SPRY3: variants seen among roughly 807,000 people sequenced by gnomAD.
The protein encoded by SPRY3 is sprouty RTK signaling antagonist 3.
A neutral mutation model predicts 20.2 loss-of-function variants in SPRY3; 15 were observed. The ratio of observed to expected loss-of-function variants is 0.74; its 90% CI spans 0.50 to 1.14. SPRY3 has a LOEUF of 1.14. Ranked by LOEUF, SPRY3 falls within the 50% of genes most tolerant of loss-of-function variation. SPRY3 has a pLI of 0.00. For missense variants in SPRY3, 364 were observed against 363.9 expected, an observed-to-expected ratio of 1.00 and a Z score of 0.00; for synonymous variants, 143 against 136.5, an observed-to-expected ratio of 1.05 and a Z score of -0.33.
chrX:155,657,460 C>T (rs1428876703), intron 2 of SPRY3, among the ~76,000 whole-genome samples: 3 of 112,052 alleles, frequency 2.7e-5, no homozygotes, highest in African/African-American at 9.7e-5. Context: ...AGATGCCCCC[C>T]GCTACCAAGC....
chrX:155,648,651 G>A (rs984712192), intron 1 of SPRY3, among the ~76,000 whole-genome samples: 1 of 111,456 alleles, frequency 9.0e-6, no homozygotes, highest in Admixed American at 9.5e-5. Flanking sequence ...CTGCTCCATT[G>A]GTCTATATAT....
chrX:155,766,736 G>C (rs767146780), intron 2 of SPRY3, among the ~76,000 whole-genome samples: 1 of 152,156 alleles, frequency 6.6e-6, no homozygotes, highest in African/African-American at 2.4e-5. Flanking sequence ...AATGTCCAAG[G>C]CTGCTTTATT....
At chrX:155,680,216 G>GAT (rs1569562591) in intron 2 of SPRY3, among the ~76,000 whole-genome samples, 2 of 93,130 alleles carry the variant, frequency 2.1e-5, no homozygotes, top group African/African-American at 8.9e-5. Context: ...GAGAGAGAGA[G>GAT]AGAAGAGAAG....
At chrX:155,766,375 A>T (rs776623659) in intron 2 of SPRY3, among the ~76,000 whole-genome samples, 1 of 152,196 alleles carries the variant, frequency 6.6e-6, no homozygotes, top group Non-Finnish European at 1.5e-5. Flanking sequence ...TAATGTAAAA[A>T]TTGACACTCT....
intron 2 of SPRY3, among the ~76,000 whole-genome samples, chrX:155,715,243 T>C (rs28860007): frequency 1.1e-3 from 164 of 152,236 alleles, no homozygotes; most frequent in African/African-American, 3.9e-3. Flanking sequence ...ACTTCCTGGG[T>C]ATCACTGGTG....
At chrX:155,774,019 A>G (rs746578781) in exon 4 of SPRY3, 48 of 1,613,806 alleles carry the variant, frequency 3.0e-5, no homozygotes, top group Non-Finnish European at 8.5e-7. Context: ...GCAAACCCAC[A>G]AGTCTGATTG....
chrX:155,692,178 AC>A (rs2068104388), intron 2 of SPRY3, among the ~76,000 whole-genome samples: 2 of 109,471 alleles, frequency 1.8e-5, no homozygotes, highest in African/African-American at 6.9e-5. Flanking sequence ...GTAAATGGGT[AC>A]AGCTTTATAT....
At chrX:155,722,834 G>GC (rs60979547) in intron 2 of SPRY3, among the ~76,000 whole-genome samples, 152,008 of 152,010 alleles carry the variant, frequency 1, 76,003 homozygotes, top group Middle Eastern at 1. Flanking sequence ...TGCACAACGT[G>GC]AGGTTTGTTA....
intron 1 of SPRY3, among the ~76,000 whole-genome samples, chrX:155,652,605 ATT>A (rs2067980710): frequency 8.9e-6 from 1 of 112,066 alleles, no homozygotes; most frequent in South Asian, 3.7e-4. Context: ...TATATACCAC[ATT>A]TCATTTATAC....
chrX:155,662,795 T>C (rs2068014527), intron 2 of SPRY3, among the ~76,000 whole-genome samples: 1 of 110,028 alleles, frequency 9.1e-6, no homozygotes, highest in South Asian at 3.9e-4. Flanking sequence ...TTCAAATGCC[T>C]GTAAGGGAGA....
chrX:155,664,758 G>A (rs1168020281), intron 2 of SPRY3, among the ~76,000 whole-genome samples: 3 of 109,267 alleles, frequency 2.7e-5, no homozygotes, highest in African/African-American at 9.9e-5. Flanking sequence ...AATAAGAAGA[G>A]TAGAATACAT....
Position 155,690,916 on chromosome X carries a change from AT to A in SPRY3, c.-282+33898del, listed in dbSNP as rs1355701458. On this transcript the variant is annotated intron_variant, in intron 2 of 3. Transcript: ENST00000675360. ...ACCTTTATCAATATATGTGTGATGA[AT>A]TTTTTTCATTCTAGCTTGCTTTTTC... Among the ~76,000 whole-genome samples the A allele has an allele frequency of 3.4e-5, 3 of 87,146 alleles. 1 individual carries two copies. Among genetic ancestry groups the A allele is most frequent in the African/African-American group, 1.7e-4 (3 of 18,116 alleles). 75.7% of individuals were successfully genotyped at this position (87,146 alleles called of 115,157 possible).
intron 1 of SPRY3, among the ~76,000 whole-genome samples, chrX:155,626,045 C>T (rs892717417): frequency 1.8e-5 from 2 of 111,210 alleles, no homozygotes; most frequent in South Asian, 7.5e-4. Flanking sequence ...TGTGTAAATA[C>T]ATTCTCATTT....
chrX:155,708,563 GAGA>G (rs1488785514), intron 2 of SPRY3, among the ~76,000 whole-genome samples: 1 of 151,084 alleles, frequency 6.6e-6, no homozygotes, highest in African/African-American at 2.4e-5. Flanking sequence ...CATCAAATTT[GAGA>G]AGTTGTTATT....
chrX:155,670,837 C>G (rs142171107), intron 2 of SPRY3, among the ~76,000 whole-genome samples: 1 of 111,741 alleles, frequency 8.9e-6, no homozygotes, highest in Non-Finnish European at 1.9e-5. Flanking sequence ...GGGCTACAAG[C>G]CTTTTATTGC....
At chrX:155,765,184 T>C (rs1007274677) in intron 2 of SPRY3, among the ~76,000 whole-genome samples, 3 of 152,160 alleles carry the variant, frequency 2.0e-5, no homozygotes, top group African/African-American at 7.2e-5. Context: ...ATTCAGACCA[T>C]AGCATTTACC....
chrX:155,766,160 CACATAT>C (rs2124596964), intron 2 of SPRY3, among the ~76,000 whole-genome samples: 1 of 152,300 alleles, frequency 6.6e-6, no homozygotes, highest in South Asian at 2.1e-4. Context: ...CATGCACACA[CACATAT>C]ACCTACATAC....
At chrX:155,618,758 T>C (rs1001197741) in intron 1 of SPRY3, among the ~76,000 whole-genome samples, 1 of 111,498 alleles carries the variant, frequency 9.0e-6, no homozygotes, top group African/African-American at 3.3e-5. Context: ...TGGTGATATC[T>C]AATTGTGATT....
chrX:155,778,539 G>T (rs1021081778), downstream of SPRY3: 1 of 165,118 alleles, frequency 6.1e-6, no homozygotes, highest in Non-Finnish European at 1.5e-5. Context: ...ATTTTTTTTT[G>T]AACAAAGTAT....
Sources: allele counts gnomAD v4.1 joint callset (sites outside exome capture counted in the v4.1 genomes callset), GRCh38; gene constraint gnomAD v4.1.1; transcripts MANE v1.5; gene names NCBI Gene and HGNC (gene_info 2026-07-23, HGNC 2026-07-21).